The following CCDC171 variants were observed in gnomAD, a reference collection of about 807,000 sequenced individuals.
CCDC171 encodes coiled-coil domain-containing protein 171.
A neutral mutation model predicts 168.2 loss-of-function variants in CCDC171; 177 were observed. That is an observed-to-expected ratio of 1.05 (90% CI 0.93 to 1.19). CCDC171 has a LOEUF of 1.19. Among genes scored for constraint, CCDC171 ranks in the 50% most tolerant of loss-of-function variants. CCDC171 has a pLI of 0.00. For missense variants in CCDC171, 1,991 were observed against 1,539.0 expected, an observed-to-expected ratio of 1.29 and a Z score of -4.91; for synonymous variants, 687 against 540.8, an observed-to-expected ratio of 1.27 and a Z score of -3.75.
chr9:15,630,044 G>A (rs2045543930), intron 7 of CCDC171, among the ~76,000 whole-genome samples: 1 of 152,104 alleles, frequency 6.6e-6, no homozygotes, highest in South Asian at 2.1e-4. Flanking sequence ...ACATGGAAAG[G>A]AACAACCGGT....
chr9:16,064,374 A>G (rs901038037), downstream of CCDC171, among the ~76,000 whole-genome samples: 2 of 151,934 alleles, frequency 1.3e-5, no homozygotes, highest in Non-Finnish European at 2.9e-5. Flanking sequence ...TGCGAGAGAG[A>G]AGGTGAGGGG....
intron 24 of CCDC171, among the ~76,000 whole-genome samples, chr9:15,890,234 A>G (rs1012614454): frequency 2.0e-5 from 3 of 152,160 alleles, no homozygotes; most frequent in Admixed American, 1.3e-4. Context: ...ATGAAATGAA[A>G]GACATGGTTG....
intron 23 of CCDC171, among the ~76,000 whole-genome samples, chr9:15,872,358 T>G (rs2062076249): frequency 6.6e-6 from 1 of 152,018 alleles, no homozygotes; most frequent in African/African-American, 2.4e-5. Context: ...TAAAGTTTAT[T>G]TAGAGAATAT....
At chr9:15,624,467 C>A (rs1247709472) in intron 7 of CCDC171, among the ~76,000 whole-genome samples, 1 of 152,040 alleles carries the variant, frequency 6.6e-6, no homozygotes, top group Non-Finnish European at 1.5e-5. Context: ...TCCCCACTCC[C>A]CCACCCCATG....
At chr9:15,966,179 T>C (rs1372876899) in intron 25 of CCDC171, among the ~76,000 whole-genome samples, 1 of 152,042 alleles carries the variant, frequency 6.6e-6, no homozygotes, top group Non-Finnish European at 1.5e-5. Flanking sequence ...AAAAATGAGA[T>C]TGGATGTTAC....
At chr9:15,657,088 A>G in intron 7 of CCDC171, 39 bp from the exon 8 acceptor site, 1 of 1,181,216 alleles carries the variant, frequency 8.5e-7, no homozygotes, top group Non-Finnish European at 1.2e-6. Context: ...TTCTTTAAAT[A>G]CCAATGTTTA....
intron 10 of CCDC171, among the ~76,000 whole-genome samples, chr9:15,679,589 G>T (rs2049896862): frequency 6.6e-6 from 1 of 152,096 alleles, no homozygotes; most frequent in South Asian, 2.1e-4. Flanking sequence ...TCACTCTGTT[G>T]CCCAGGCTAG....
At chr9:15,685,662 C>G (rs555614937) in intron 10 of CCDC171, among the ~76,000 whole-genome samples, 1 of 151,794 alleles carries the variant, frequency 6.6e-6, no homozygotes, top group African/African-American at 2.4e-5. Context: ...CAACCACAAT[C>G]CAGCATTTAA....
At chr9:16,015,999 T>C (rs1833004373) in intron 3 of CCDC171, among the ~76,000 whole-genome samples, 2 of 152,228 alleles carry the variant, frequency 1.3e-5, no homozygotes, top group Admixed American at 6.5e-5. Context: ...ATAACACATT[T>C]TCTTTATCCA....
At chr9:15,842,652 G>T (rs952635525) in intron 21 of CCDC171, among the ~76,000 whole-genome samples, 1 of 151,708 alleles carries the variant, frequency 6.6e-6, no homozygotes, top group East Asian at 1.9e-4. Flanking sequence ...CTGTGAATAC[G>T]TACTGAATTG....
intron 3 of CCDC171, among the ~76,000 whole-genome samples, chr9:15,999,422 G>A (rs1284548589): frequency 6.6e-6 from 1 of 151,440 alleles, no homozygotes; most frequent in Non-Finnish European, 1.5e-5. Flanking sequence ...CAAACAGGGA[G>A]GGAGGGAGGG....
chr9:15,575,923 C>G (rs1178364415), intron 3 of CCDC171, among the ~76,000 whole-genome samples: 1 of 152,076 alleles, frequency 6.6e-6, no homozygotes, highest in Non-Finnish European at 1.5e-5. Flanking sequence ...GAAACCCTGT[C>G]TCTACTAAAA....
At chr9:15,763,959 C>A (rs1250391722) in intron 18 of CCDC171, among the ~76,000 whole-genome samples, 1 of 151,986 alleles carries the variant, frequency 6.6e-6, no homozygotes. Flanking sequence ...GGTTGTAAGC[C>A]TGTGTTTTGC....
intron 1 of CCDC171, among the ~76,000 whole-genome samples, chr9:16,048,817 A>C (rs1364111269): frequency 6.6e-6 from 1 of 152,172 alleles, no homozygotes; most frequent in Non-Finnish European, 1.5e-5. Context: ...ATGAGTTATT[A>C]GAACAGTACC....
intron 1 of CCDC171, among the ~76,000 whole-genome samples, chr9:16,047,683 G>GCACC (rs1409829872): frequency 1.3e-5 from 2 of 152,248 alleles, no homozygotes; most frequent in Non-Finnish European, 2.9e-5. Flanking sequence ...AGAGTCAGGA[G>GCACC]CACGTGGATT....
chr9:16,038,971 GTA>G (rs904697182), upstream of CCDC171, among the ~76,000 whole-genome samples: 1 of 151,212 alleles, frequency 6.6e-6, no homozygotes, highest in African/African-American at 2.4e-5. Context: ...AACACTTTTA[GTA>G]TATATATAAT....
At chr9:15,911,628 A>G (rs1478237021) in intron 24 of CCDC171, among the ~76,000 whole-genome samples, 3 of 152,172 alleles carry the variant, frequency 2.0e-5, no homozygotes, top group Non-Finnish European at 2.9e-5. Context: ...GCCCATGCCT[A>G]TGTCCTGAAT....
intron 6 of CCDC171, among the ~76,000 whole-genome samples, chr9:16,029,704 A>T (rs1480415058): frequency 1.3e-5 from 2 of 152,198 alleles, no homozygotes; most frequent in Non-Finnish European, 2.9e-5. Flanking sequence ...TAGGGTGATA[A>T]ATGTGAGATT....
At chr9:15,943,541 C>T (rs563075359) in intron 25 of CCDC171, among the ~76,000 whole-genome samples, 1 of 151,898 alleles carries the variant, frequency 6.6e-6, no homozygotes, top group South Asian at 2.1e-4. Context: ...TTTTGCAAAG[C>T]TTGGGATCTC....
Sources: allele counts gnomAD v4.1 joint callset (sites outside exome capture counted in the v4.1 genomes callset), GRCh38; gene constraint gnomAD v4.1.1; transcripts MANE v1.5; gene names NCBI Gene and HGNC (gene_info 2026-07-23, HGNC 2026-07-21).